Variants in RICTOR observed in about 807,000 individuals in gnomAD.
RICTOR encodes RPTOR independent companion of MTOR complex 2.
Under a neutral mutation model 214.9 loss-of-function variants are expected in RICTOR, and 49 were observed. The ratio of observed to expected loss-of-function variants is 0.23; its 90% CI spans 0.18 to 0.29. The LOEUF is 0.29. Ranked by LOEUF, RICTOR falls within the 10% of genes least tolerant of loss-of-function variation. RICTOR has a pLI of 1.00. For missense variants in RICTOR, 1,625 were observed against 2,047.0 expected (o/e 0.79, Z 3.98); for synonymous variants, 717 against 711.3 (o/e 1.01, Z -0.13).
At chr5:38,960,344 G>A in intron 20 of RICTOR, 54 bp downstream of exon 20, 2 of 1,562,360 alleles carry the variant, frequency 1.3e-6, no homozygotes, top group Non-Finnish European at 1.8e-6. Flanking sequence ...GGGAGGGTAA[G>A]GGAAGCAAAT....
chr5:39,055,417 T>TCCCCC (rs34660388), intron 2 of RICTOR, among the ~76,000 whole-genome samples: 9 of 109,484 alleles, frequency 8.2e-5, no homozygotes, highest in African/African-American at 3.1e-4. Context: ...CTCTGACAAT[T>TCCCCC]CCCCCCCCCC....
intron 3 of RICTOR, among the ~76,000 whole-genome samples, chr5:39,004,470 T>TA (rs1211939893): frequency 6.6e-6 from 1 of 151,714 alleles, no homozygotes; most frequent in Non-Finnish European, 1.5e-5. Flanking sequence ...AACTCTTTTT[T>TA]TTTTTTTGAG....
At chr5:39,031,860 T>C (rs1248306815) in intron 2 of RICTOR, among the ~76,000 whole-genome samples, 2 of 152,218 alleles carry the variant, frequency 1.3e-5, no homozygotes, top group Non-Finnish European at 2.9e-5. Context: ...ATACGAAGAT[T>C]ACTGTAGTTA....
At chr5:39,038,143 T>G (rs1003243332) in intron 2 of RICTOR, among the ~76,000 whole-genome samples, 1 of 152,182 alleles carries the variant, frequency 6.6e-6, no homozygotes, top group Admixed American at 6.5e-5. Flanking sequence ...GCTTCATCCC[T>G]GGGATGCAAG....
chr5:38,982,811 T>C (rs1369616835), intron 7 of RICTOR, among the ~76,000 whole-genome samples: 3 of 151,728 alleles, frequency 2.0e-5, no homozygotes, highest in Non-Finnish European at 2.9e-5. Context: ...CATACATATA[T>C]ATATATAAAC....
Position 38,959,997 on chromosome 5 carries a change from T to C in RICTOR, c.1852-19A>G. On this transcript the variant is annotated intron_variant, in intron 20 of 37. Coordinates refer to ENST00000357387, the MANE Select transcript of RICTOR (RefSeq NM_152756.5). ...GCCCATCCTAAAAGTAAATACATTG[T>C]GATATTGTGAGAAAAGCATTCAAAA... 3 of 1,493,706 alleles carry C rather than the reference T, an allele frequency of 2.0e-6. No individual in the cohort carries two copies. The highest frequency in any genetic ancestry group is 2.3e-5 in the East Asian group (1 of 44,178). 92.5% of individuals were successfully genotyped at this position (1,493,706 alleles called of 1,614,324 possible). A position where few individuals can be genotyped will look rare whatever the true frequency, so the allele number is the denominator to read the frequency against.
chr5:38,962,443 A>G (rs773281267), intron 18 of RICTOR, 42 bp downstream of exon 18: 2 of 1,207,116 alleles, frequency 1.7e-6, no homozygotes, highest in Non-Finnish European at 2.4e-6. Context: ...AATTAATAAT[A>G]AAATTAAAGA....
chr5:39,052,079 G>A (rs1757897299), intron 2 of RICTOR, among the ~76,000 whole-genome samples: 1 of 152,136 alleles, frequency 6.6e-6, no homozygotes, highest in African/African-American at 2.4e-5. Context: ...CCACATGATT[G>A]CAAGGGTAAA....
intron 10 of RICTOR, among the ~76,000 whole-genome samples, 186 bp downstream of exon 10, chr5:38,975,351 T>C (rs886086313): frequency 2.0e-5 from 3 of 152,186 alleles, no homozygotes; most frequent in Non-Finnish European, 2.9e-5. Context: ...CTAATTCCTA[T>C]TGACTATTAC....
chr5:39,025,388 G>C (rs541413712), intron 2 of RICTOR, among the ~76,000 whole-genome samples: 1 of 152,272 alleles, frequency 6.6e-6, no homozygotes, highest in African/African-American at 2.4e-5. Flanking sequence ...CTAGACCAGG[G>C]ACTGAAAAAC....
At chr5:39,054,651 G>A (rs1758081779) in intron 2 of RICTOR, among the ~76,000 whole-genome samples, 1 of 152,174 alleles carries the variant, frequency 6.6e-6, no homozygotes. Context: ...CATCCATTCA[G>A]TCTACATTTT....
chr5:39,038,760 G>A (rs1275338245), intron 2 of RICTOR, among the ~76,000 whole-genome samples: 2 of 147,268 alleles, frequency 1.4e-5, no homozygotes, highest in Non-Finnish European at 3.0e-5. Flanking sequence ...AACTTACAAG[G>A]GATGTGAAGG....
chr5:38,987,416 T>A (rs2150071787), intron 7 of RICTOR, among the ~76,000 whole-genome samples: 1 of 151,256 alleles, frequency 6.6e-6, no homozygotes, highest in East Asian at 1.9e-4. Flanking sequence ...TTATTTTCTA[T>A]TCTTCTTCTT....
chr5:38,954,660 C>A, intron 27 of RICTOR, 114 bp downstream of exon 27: 1 of 645,428 alleles, frequency 1.5e-6, no homozygotes, highest in Middle Eastern at 4.2e-4. Context: ...GCAATTACAC[C>A]ACTGATATTA....
At chr5:38,993,623 AAATAT>A (rs1301105489) in intron 6 of RICTOR, among the ~76,000 whole-genome samples, 1 of 152,096 alleles carries the variant, frequency 6.6e-6, no homozygotes, top group Non-Finnish European at 1.5e-5. Context: ...TTATCCTTTA[AAATAT>A]AATAGACATA....
At chr5:39,012,147 C>T (rs137904014) in intron 3 of RICTOR, among the ~76,000 whole-genome samples, 13 of 152,224 alleles carry the variant, frequency 8.5e-5, no homozygotes, top group African/African-American at 3.1e-4. Context: ...CTCGTGATAG[C>T]GAGTAAGTTC....
intron 5 of RICTOR, among the ~76,000 whole-genome samples, chr5:38,998,660 T>C (rs1271239264): frequency 2.0e-5 from 3 of 152,190 alleles, no homozygotes; most frequent in Admixed American, 2.0e-4. Flanking sequence ...TTATGGTTAA[T>C]ATGCTAAAGA....
chr5:38,990,259 G>A (rs1752484770), intron 7 of RICTOR, among the ~76,000 whole-genome samples: 1 of 151,900 alleles, frequency 6.6e-6, no homozygotes, highest in African/African-American at 2.4e-5. Context: ...ACTAAACACT[G>A]CATGTTGTCA....
chr5:39,004,986 G>C (rs963574378), intron 3 of RICTOR, among the ~76,000 whole-genome samples: 3 of 151,990 alleles, frequency 2.0e-5, no homozygotes, highest in African/African-American at 7.3e-5. Flanking sequence ...TCTCCATGTT[G>C]GTCAGGCTGG....
Sources: allele counts gnomAD v4.1 joint callset (sites outside exome capture counted in the v4.1 genomes callset), GRCh38; gene constraint gnomAD v4.1.1; transcripts MANE v1.5; gene names NCBI Gene and HGNC (gene_info 2026-07-23, HGNC 2026-07-21).